The following SLIT2 variants were observed in gnomAD, a reference collection of about 807,000 sequenced individuals.
SLIT2 encodes slit homolog 2 protein.
SLIT2 carries 41 observed loss-of-function variants against 185.7 expected under a neutral mutation model. That is an observed-to-expected ratio of 0.22 (90% confidence interval 0.17 to 0.29). SLIT2 has a LOEUF of 0.29. SLIT2 is among the 10% of genes least tolerant of loss of function. SLIT2 has a pLI of 1.00. For missense variants in SLIT2, 1,571 were observed against 1,909.0 expected (o/e 0.82, Z 3.30); for synonymous variants, 693 against 680.2 (o/e 1.02, Z -0.29).
chr4:20,296,243 G>A (rs1716465049), intron 4 of SLIT2, among the ~76,000 whole-genome samples: 1 of 152,086 alleles, frequency 6.6e-6, no homozygotes, highest in Non-Finnish European at 1.5e-5. Flanking sequence ...AATTTCAAAT[G>A]TTGAAAAATG....
chr4:20,355,906 G>T, intron 4 of SLIT2, among the ~76,000 whole-genome samples: 1 of 152,110 alleles, frequency 6.6e-6, no homozygotes, highest in East Asian at 1.9e-4. Context: ...GTCATCTAAT[G>T]TAATTCAATT....
intron 12 of SLIT2, among the ~76,000 whole-genome samples, chr4:20,523,248 G>A (rs1720992201): frequency 6.6e-6 from 1 of 152,298 alleles, no homozygotes; most frequent in Non-Finnish European, 1.5e-5. Flanking sequence ...TGGGCTACAG[G>A]TCAGGCTGTT....
intron 4 of SLIT2, among the ~76,000 whole-genome samples, chr4:20,398,333 C>T (rs1482324130): frequency 1.3e-5 from 2 of 151,804 alleles, no homozygotes; most frequent in Non-Finnish European, 2.9e-5. Context: ...TTTGGCCTTA[C>T]TGGCTTCAGT....
intron 4 of SLIT2, among the ~76,000 whole-genome samples, chr4:20,417,250 T>G (rs1322494227): frequency 6.6e-6 from 1 of 151,760 alleles, no homozygotes; most frequent in Non-Finnish European, 1.5e-5. Context: ...CTTTGTTTGT[T>G]GATTTATTTT....
chr4:20,443,661 A>G (rs1429631624), intron 4 of SLIT2, among the ~76,000 whole-genome samples: 1 of 147,082 alleles, frequency 6.8e-6, no homozygotes, highest in East Asian at 2.0e-4. Flanking sequence ...ATTACCTTGT[A>G]TGGATTGAAC....
At chr4:20,409,383 C>T (rs1041125005) in intron 4 of SLIT2, among the ~76,000 whole-genome samples, 6 of 152,252 alleles carry the variant, frequency 3.9e-5, no homozygotes, top group East Asian at 1.9e-4. Context: ...CCATCCATGT[C>T]CCTAAAAGGA....
chr4:20,560,910 C>A (rs956487241), intron 26 of SLIT2, among the ~76,000 whole-genome samples: 2 of 151,828 alleles, frequency 1.3e-5, no homozygotes, highest in Non-Finnish European at 2.9e-5. Context: ...CAGAGTAAAA[C>A]CTCTGTCCTC....
At chr4:20,394,649 A>T (rs1441021227) in intron 4 of SLIT2, 1 of 152,048 alleles carries the variant, frequency 6.6e-6, no homozygotes, top group Non-Finnish European at 1.5e-5. Flanking sequence ...GGATTGAATC[A>T]ATTGGAAGCC....
chr4:20,595,473 C>CTA (rs1727898005), intron 30 of SLIT2, among the ~76,000 whole-genome samples: 1 of 65,832 alleles, frequency 1.5e-5, no homozygotes, highest in Admixed American at 2.0e-4. Flanking sequence ...TGGATGTTCA[C>CTA]TATCAAGGAG....
intron 4 of SLIT2, among the ~76,000 whole-genome samples, chr4:20,347,921 G>A (rs990937341): frequency 6.6e-6 from 1 of 152,062 alleles, no homozygotes; most frequent in African/African-American, 2.4e-5. Flanking sequence ...AGCCATGGAA[G>A]GATTTTAAGC....
At chr4:20,327,734 G>C (rs929639205) in intron 4 of SLIT2, among the ~76,000 whole-genome samples, 3 of 151,946 alleles carry the variant, frequency 2.0e-5, no homozygotes, top group African/African-American at 7.2e-5. Flanking sequence ...TACTTACGAT[G>C]TATGAAAACT....
intron 14 of SLIT2, among the ~76,000 whole-genome samples, chr4:20,524,389 T>G (rs972340187): frequency 6.6e-6 from 1 of 152,184 alleles, no homozygotes; most frequent in South Asian, 2.1e-4. Flanking sequence ...GCAGAAGAAA[T>G]AGGCAATTGA....
chr4:20,611,359 T>C (rs960736108), intron 34 of SLIT2, among the ~76,000 whole-genome samples: 1 of 152,226 alleles, frequency 6.6e-6, no homozygotes, highest in African/African-American at 2.4e-5. Context: ...TGGAAGTCTT[T>C]GGTTCAATTC....
At chr4:20,449,237 G>A (rs1712191561) in intron 4 of SLIT2, among the ~76,000 whole-genome samples, 1 of 152,026 alleles carries the variant, frequency 6.6e-6, no homozygotes, top group Admixed American at 6.6e-5. Flanking sequence ...TGGAAACTTA[G>A]TTTCATTTTT....
At chr4:20,463,500 T>C (rs1369978415) in intron 4 of SLIT2, among the ~76,000 whole-genome samples, 16 of 123,654 alleles carry the variant, frequency 1.3e-4, no homozygotes, top group East Asian at 2.2e-4. Flanking sequence ...TATGTGTGTG[T>C]GCGTATATCC....
At chr4:20,289,242 G>A (rs557889864) in intron 4 of SLIT2, among the ~76,000 whole-genome samples, 2 of 152,180 alleles carry the variant, frequency 1.3e-5, no homozygotes, top group East Asian at 1.9e-4. Context: ...GAATAAAATG[G>A]AACCTCTTAG....
intron 4 of SLIT2, among the ~76,000 whole-genome samples, chr4:20,339,090 C>CAAAA (rs398051113): frequency 9.4e-3 from 642 of 68,440 alleles, no homozygotes; most frequent in African/African-American, 0.01. Flanking sequence ...GAGACACTCT[C>CAAAA]AAAAAAAAAA....
intron 4 of SLIT2, among the ~76,000 whole-genome samples, chr4:20,343,628 A>G (rs1244480128): frequency 2.6e-5 from 4 of 151,824 alleles, no homozygotes; most frequent in African/African-American, 9.7e-5. Context: ...CAGCCTCCTG[A>G]GTAGCTAGGG....
chr4:20,310,433 C>A (rs1476719476), intron 4 of SLIT2, among the ~76,000 whole-genome samples: 1 of 152,078 alleles, frequency 6.6e-6, no homozygotes, highest in Non-Finnish European at 1.5e-5. Flanking sequence ...CCATCATAAC[C>A]CGAGTTTCCT....
Sources: allele counts gnomAD v4.1 joint callset (sites outside exome capture counted in the v4.1 genomes callset), GRCh38; gene constraint gnomAD v4.1.1; transcripts MANE v1.5; gene names NCBI Gene and HGNC (gene_info 2026-07-23, HGNC 2026-07-21).